Variants in MON2 observed in about 807,000 individuals in gnomAD.
MON2 encodes the protein MON2 regulator of endosome-to-Golgi trafficking.
In MON2, 84 loss-of-function variants were observed where a neutral mutation model predicts 208.6. The ratio of observed to expected loss-of-function variants is 0.40; its 90% CI spans 0.34 to 0.48. The LOEUF (loss-of-function observed/expected upper bound fraction) is 0.48. MON2 is among the 20% of genes least tolerant of loss of function. MON2 has a pLI of 0.59. For synonymous variants in MON2, 660 were observed against 694.0 expected, an observed-to-expected ratio of 0.95 and a Z score of 0.77; for missense variants, 1,611 against 2,015.4, an observed-to-expected ratio of 0.80 and a Z score of 3.84.
rs746277298 is a variant in MON2, at chr12:62,475,477, TA to T, written c.111+8170del. Among the ~76,000 whole-genome samples, 577 of 122,182 alleles carry T rather than the reference TA, an allele frequency of 4.7e-3. 7 individuals carry two copies. The highest frequency in any genetic ancestry group is 8.8e-3 in the African/African-American group (338 of 38,444). 80.2% of individuals were successfully genotyped at this position (122,182 alleles called of 152,430 possible). On this transcript the variant is annotated intron_variant, in intron 1 of 34. Coordinates refer to ENST00000393630, the MANE Select transcript of MON2 (RefSeq NM_015026.3). ...GGGTGAAAGAGTGAAACTCTATCTT[TA>T]AAAAAAAAAATTAATCTTCAACAAG...
chr12:62,541,758 C>G (rs1490616727), intron 19 of MON2, among the ~76,000 whole-genome samples: 1 of 152,070 alleles, frequency 6.6e-6, no homozygotes, highest in Non-Finnish European at 1.5e-5. Flanking sequence ...AATGCGAGGG[C>G]CACATTCTAG....
At chr12:62,490,194 C>A in intron 2 of MON2, 1 of 147,506 alleles carries the variant, frequency 6.8e-6, no homozygotes. Flanking sequence ...CAGTGTTACT[C>A]TATTAAAGAG....
intron 2 of MON2, among the ~76,000 whole-genome samples, chr12:62,484,503 G>A (rs1019043442): frequency 1.3e-5 from 2 of 152,094 alleles, no homozygotes; most frequent in Non-Finnish European, 2.9e-5. Flanking sequence ...ACTCATCTTC[G>A]CATTCTCCTC....
intron 1 of MON2, among the ~76,000 whole-genome samples, chr12:62,477,582 T>TA (rs1491123447): frequency 1.1e-4 from 12 of 108,132 alleles, no homozygotes; most frequent in African/African-American, 4.1e-4. Context: ...GTTTGCCTAA[T>TA]TTTTTTTTTT....
intron 24 of MON2, among the ~76,000 whole-genome samples, chr12:62,555,683 C>A (rs1418786654): frequency 6.6e-6 from 1 of 151,860 alleles, no homozygotes; most frequent in Non-Finnish European, 1.5e-5. Context: ...GTGGTGGACA[C>A]CTGTAATCCC....
intron 29 of MON2, 50 bp from the exon 30 acceptor site, chr12:62,571,342 G>T: frequency 8.0e-7 from 1 of 1,247,800 alleles, no homozygotes; most frequent in South Asian, 1.9e-5. Context: ...AATTAAAATT[G>T]TGTGTGTATG....
rs1300698838 is a variant in MON2, at chr12:62,598,865, G to A, written c.*6116G>A. 2.0e-5 allele frequency: 3 copies of A among 152,118 alleles called. No individual in the cohort carries two copies. The highest frequency in any genetic ancestry group is 7.2e-5 in the African/African-American group (3 of 41,442). The allele number at this position is 152,118 out of a possible 1,614,324, so 9.4% of individuals were successfully genotyped here. ...GTACAGATTGTTTATTTGTTTTACA[G>A]CTAACATTAAGCATGATTCCAGGTT... On this transcript the variant is annotated 3_prime_UTR_variant, in exon 35 of 35. Coordinates refer to ENST00000393630, the MANE Select transcript of MON2 (RefSeq NM_015026.3).
chr12:62,545,333 ATT>A (rs536539372), intron 21 of MON2, among the ~76,000 whole-genome samples: 1 of 146,496 alleles, frequency 6.8e-6, no homozygotes. Context: ...ATGTCCCTGG[ATT>A]TTTTTTTTTT....
At chr12:62,570,747 T>C (rs1350573613) in intron 29 of MON2, among the ~76,000 whole-genome samples, 6 of 142,486 alleles carry the variant, frequency 4.2e-5, no homozygotes, top group Non-Finnish European at 6.1e-5. Flanking sequence ...TTTTTTTTTT[T>C]TTTTGAGACA....
At chr12:62,511,169 A>G (rs1045714386) in intron 8 of MON2, among the ~76,000 whole-genome samples, 2 of 152,234 alleles carry the variant, frequency 1.3e-5, no homozygotes, top group African/African-American at 2.4e-5. Context: ...AATTGTTAAA[A>G]TGTCCATATA....
In MON2 at chr12:62,534,959, G is replaced by A. The variant is rs113079969; in HGVS notation, c.1715+33G>A. On this transcript the variant is annotated intron_variant, in intron 13 of 34. Coordinates refer to ENST00000393630, the MANE Select transcript of MON2 (RefSeq NM_015026.3). ...GTCTTTGTAAGTTTTATATTGAACTGTGTCAGTTAAAAAAAACACATTAAA... is the reference window on the plus strand; with the variant it reads ...GTCTTTGTAAGTTTTATATTGAACTATGTCAGTTAAAAAAAACACATTAAA... 9.7e-4 allele frequency: 1,328 copies of A among 1,363,748 alleles called. 11 individuals are homozygous for A. The African/African-American group carries it at 0.029, about 30-fold the overall frequency. The allele number at this position is 1,363,748 out of a possible 1,614,324, so 84.5% of individuals were successfully genotyped here. A position where few individuals can be genotyped will look rare whatever the true frequency, so the allele number is the denominator to read the frequency against.
intron 25 of MON2, chr12:62,559,823 T>C (rs995918499): frequency 3.3e-5 from 5 of 151,760 alleles, no homozygotes; most frequent in Non-Finnish European, 1.5e-5. Context: ...AATTTAAATA[T>C]GAAAACTAAA....
chr12:62,550,956 G>C (rs1408146317), intron 23 of MON2, among the ~76,000 whole-genome samples: 1 of 115,808 alleles, frequency 8.6e-6, no homozygotes, highest in Non-Finnish European at 1.7e-5. Context: ...TCTTGCGCTT[G>C]TTACCCAGGC....
intron 23 of MON2, among the ~76,000 whole-genome samples, chr12:62,550,990 G>A (rs1369304490): frequency 1.4e-5 from 2 of 146,132 alleles, no homozygotes; most frequent in Non-Finnish European, 3.0e-5. Flanking sequence ...CATGATCTTG[G>A]CTCACTGCAA....
Position 62,534,518 on chromosome 12 carries a change from CAAAAAAAAAAAAA to C in MON2, c.1634-314_1634-302del, listed in dbSNP as rs869145698. On this transcript the variant is annotated intron_variant, in intron 12 of 34. Transcript: ENST00000393630. ...TGGGCAACAGAGCAAGACTCCATCG[CAAAAAAAAAAAAA>C]AAAAAAAAAAAATATATATATATAT... 1.3e-4 allele frequency among the ~76,000 whole-genome samples: 9 copies of C among 67,446 alleles called. 1 individual carries two copies. The highest frequency in any genetic ancestry group is 6.0e-4 in the African/African-American group (9 of 14,950). The allele number at this position is 67,446 out of a possible 152,430, so 44.2% of individuals were successfully genotyped here. A position where few individuals can be genotyped will look rare whatever the true frequency, so the allele number is the denominator to read the frequency against.
At chr12:62,480,827 C>T (rs2069380825) in intron 1 of MON2, among the ~76,000 whole-genome samples, 1 of 152,174 alleles carries the variant, frequency 6.6e-6, no homozygotes, top group Non-Finnish European at 1.5e-5. Context: ...TTTAATCAAT[C>T]TTGGTTTGCA....
At chr12:62,482,069 A>T (rs2069477176) in intron 1 of MON2, among the ~76,000 whole-genome samples, 1 of 152,186 alleles carries the variant, frequency 6.6e-6, no homozygotes, top group Admixed American at 6.5e-5. Context: ...CGGAAACTAG[A>T]TACTGCTTTC....
intron 11 of MON2, among the ~76,000 whole-genome samples, chr12:62,531,630 A>G (rs2072649261): frequency 6.6e-6 from 1 of 152,166 alleles, no homozygotes; most frequent in Non-Finnish European, 1.5e-5. Flanking sequence ...CCGCAGTTTG[A>G]ACTTGACACA....
At chr12:62,566,237 G>A (rs117220659) in intron 28 of MON2, 85 bp from the exon 29 acceptor site, 26,135 of 1,508,524 alleles carry the variant, frequency 0.017, 302 homozygotes, top group South Asian at 0.03. Context: ...TGAACTTTAA[G>A]ACAAAGATGC....
Sources: allele counts gnomAD v4.1 joint callset (sites outside exome capture counted in the v4.1 genomes callset), GRCh38; gene constraint gnomAD v4.1.1; transcripts MANE v1.5; gene names NCBI Gene and HGNC (gene_info 2026-07-23, HGNC 2026-07-21).